The following SBNO1 variants were observed in gnomAD, a reference collection of about 807,000 sequenced individuals.
The protein encoded by SBNO1 is protein strawberry notch homolog 1.
SBNO1 carries 23 observed loss-of-function variants against 173.6 expected under a neutral mutation model. That is an observed-to-expected ratio of 0.13 (90% confidence interval 0.10 to 0.19). The LOEUF is 0.19. Ranked by LOEUF, SBNO1 falls within the 10% of genes least tolerant of loss-of-function variation. SBNO1 has a pLI of 1.00. For missense variants in SBNO1, 1,238 were observed against 1,671.2 expected (o/e 0.74, Z 4.52); for synonymous variants, 632 against 571.5 (o/e 1.11, Z -1.51).
intron 21 of SBNO1, among the ~76,000 whole-genome samples, chr12:123,315,903 A>G (rs976124662): frequency 2.6e-4 from 39 of 152,184 alleles, no homozygotes; most frequent in African/African-American, 9.2e-4. Flanking sequence ...GATTTTCCCA[A>G]AATTGTTTTT....
chr12:123,314,980 T>C lies in SBNO1; in HGVS notation c.3120+393A>G, dbSNP rs559899172. Among the ~76,000 whole-genome samples, 14 of 152,038 alleles carry C rather than the reference T, an allele frequency of 9.2e-5. No homozygotes were observed. The South Asian group carries it at 1.9e-3, about 20-fold the overall frequency. On this transcript the variant is annotated intron_variant, in intron 23 of 31. Transcript: ENST00000602398. ...CTGGTCTCGAACTCCTGACCTCAAG[T>C]GATCCACCTGCCTTGGCCTCCCAAA...
chr12:123,325,320 A>T (rs1870496510), intron 15 of SBNO1, among the ~76,000 whole-genome samples, 182 bp downstream of exon 15: 1 of 152,244 alleles, frequency 6.6e-6, no homozygotes, highest in Admixed American at 6.5e-5. Flanking sequence ...TAGGATTATG[A>T]GATTTCTGTT....
In SBNO1 at chr12:123,330,394, C is replaced by A. The variant is rs1220669393; in HGVS notation, c.1134+25G>T. The A allele has an allele frequency of 4.7e-6, 6 of 1,287,022 alleles. No individual in the cohort carries two copies. In the Admixed American group the frequency reaches 5.3e-5, roughly 11 times the overall value. 79.7% of individuals were successfully genotyped at this position (1,287,022 alleles called of 1,614,324 possible). On this transcript the variant is annotated intron_variant, in intron 9 of 31. Transcript: ENST00000602398. ...AGATGAGTCAATATTTATTGAATGA[C>A]CAACTGAATAAAAAGATTTCATACC...
intron 5 of SBNO1, among the ~76,000 whole-genome samples, chr12:123,340,024 A>T (rs1257997505): frequency 6.6e-6 from 1 of 152,146 alleles, no homozygotes; most frequent in Non-Finnish European, 1.5e-5. Flanking sequence ...CCACCAGGCC[A>T]CTAGAGTTCA....
Position 123,348,137 on chromosome 12 carries a change from G to A in SBNO1, c.133-4C>T. Reference sequence around the variant, plus strand: ...CTAATGCACTAAGTGGCACTGACTGGAGAGAAAACAACATCAGACAAAAAA... The same window carrying A: ...CTAATGCACTAAGTGGCACTGACTGAAGAGAAAACAACATCAGACAAAAAA... On this transcript the variant is annotated splice_polypyrimidine_tract_variant and splice_region_variant and intron_variant, in intron 2 of 31. Coordinates refer to ENST00000602398, the MANE Select transcript of SBNO1 (RefSeq NM_001167856.3). 2 of 1,545,092 alleles carry A rather than the reference G, an allele frequency of 1.3e-6. No individual in the cohort carries two copies. Among genetic ancestry groups the A allele is most frequent in the Non-Finnish European group, 1.8e-6 (2 of 1,130,540 alleles).
chr12:123,362,952 T>C (rs1397882525), intron 1 of SBNO1, among the ~76,000 whole-genome samples: 2 of 151,262 alleles, frequency 1.3e-5, no homozygotes, highest in African/African-American at 2.4e-5. Context: ...GCTGCTGTAG[T>C]GGTGCACATC....
chr12:123,311,633 G>A (rs1454176695), intron 24 of SBNO1, among the ~76,000 whole-genome samples: 1 of 151,520 alleles, frequency 6.6e-6, no homozygotes, highest in Non-Finnish European at 1.5e-5. Flanking sequence ...GAGATTACAG[G>A]TGTGAGCCAC....
chr12:123,333,006 C>T (rs544208437), intron 7 of SBNO1, among the ~76,000 whole-genome samples: 2 of 152,136 alleles, frequency 1.3e-5, no homozygotes, highest in East Asian at 3.9e-4. Context: ...TGCCTGTAGT[C>T]CCAGCTACTC....
At chr12:123,351,532 TA>T in intron 1 of SBNO1, among the ~76,000 whole-genome samples, 2 of 152,070 alleles carry the variant, frequency 1.3e-5, no homozygotes, top group Non-Finnish European at 2.9e-5. Flanking sequence ...GAGGATGGCT[TA>T]AGCCCAGGAG....
chr12:123,305,766 C>T (rs1437157055), intron 28 of SBNO1, among the ~76,000 whole-genome samples: 1 of 152,066 alleles, frequency 6.6e-6, no homozygotes, highest in Non-Finnish European at 1.5e-5. Flanking sequence ...AGCCACCACG[C>T]CTGGCCTATT....
At chr12:123,309,968 C>CT in intron 25 of SBNO1, 112 bp from the exon 26 acceptor site, 2 of 794,794 alleles carry the variant, frequency 2.5e-6, no homozygotes. Context: ...CTTCTTAACT[C>CT]TTACACTGTC....
intron 1 of SBNO1, among the ~76,000 whole-genome samples, chr12:123,362,601 C>A (rs1161313411): frequency 6.6e-6 from 1 of 150,936 alleles, no homozygotes; most frequent in African/African-American, 2.4e-5. Context: ...CCCCTTTCTG[C>A]CAACTACATA....
chr12:123,350,526 T>C (rs1040010230), intron 1 of SBNO1, 85 bp from the exon 2 acceptor site: 1 of 1,070,308 alleles, frequency 9.3e-7, no homozygotes, highest in Non-Finnish European at 1.4e-6. Flanking sequence ...AATCCAACAA[T>C]CTCTATTAGA....
In SBNO1 at chr12:123,309,760, G is replaced by A; in HGVS notation, c.3392C>T (p.Ala1131Val). Residue 1131 changes from alanine (A) to valine (V), a missense_variant, in exon 26 of 32, where the codon GCA becomes GTA. Transcript: ENST00000602398. Reference protein sequence around the residue: ...LFQYFADTLTAVVQNAKKNGR... With the variant: ...LFQYFADTLTVVVQNAKKNGR... ...ATTTTTTTTGGCATTTTGAACAACT[G>A]CAGTAAGTGTGTCCGCAAAATACTG... The A allele has an allele frequency of 6.2e-7, 1 of 1,612,810 alleles. No individual in the cohort carries two copies. Among genetic ancestry groups the A allele is most frequent in the Non-Finnish European group, 8.5e-7 (1 of 1,179,638 alleles).
rs528018102 is a variant in SBNO1 at position 123,296,055 on chromosome 12, A to C, written c.4040-5T>G. 2.5e-6 allele frequency: 4 copies of C among 1,594,796 alleles called. No individual in the cohort carries two copies. In the South Asian group the frequency reaches 3.3e-5, roughly 13 times the overall value. ...AATTTGCCGGAATGATCAAACCTGT[A>C]ATTAGTAACAAGAATTTATCAAGTT... On this transcript the variant is annotated splice_polypyrimidine_tract_variant and splice_region_variant and intron_variant, in intron 31 of 31. Coordinates refer to ENST00000602398, the MANE Select transcript of SBNO1 (RefSeq NM_001167856.3).
At chr12:123,347,032 G>A (rs11057286) in intron 3 of SBNO1, among the ~76,000 whole-genome samples, 9,086 of 147,084 alleles carry the variant, frequency 0.062, 314 homozygotes, top group South Asian at 0.11. Context: ...GAGCCGAGAT[G>A]GTGCCACTGC....
intron 5 of SBNO1, among the ~76,000 whole-genome samples, chr12:123,338,449 G>A (rs570603193): frequency 5.1e-4 from 77 of 152,282 alleles, no homozygotes; most frequent in Middle Eastern, 3.4e-3. Flanking sequence ...TTGGGAGGCC[G>A]AGGCGGGTGA....
chr12:123,290,067 C>T lies in SBNO1; in HGVS notation c.*5841G>A, dbSNP rs900724549. 6.6e-6 allele frequency: 1 copy of T among 152,266 alleles called. No individual in the cohort carries two copies. The allele number at this position is 152,266 out of a possible 1,614,324, so 9.4% of individuals were successfully genotyped here. On this transcript the variant is annotated 3_prime_UTR_variant, in exon 32 of 32. Coordinates refer to ENST00000602398, the MANE Select transcript of SBNO1 (RefSeq NM_001167856.3). ...AAAAAGAACCCGCCTTTTTGGGCTTCTTCTTTTCCTTGCTTAGCCCTGCAC... is the reference window on the plus strand; with the variant it reads ...AAAAAGAACCCGCCTTTTTGGGCTTTTTCTTTTCCTTGCTTAGCCCTGCAC...
chr12:123,362,925 TA>T (rs560090421), intron 1 of SBNO1, among the ~76,000 whole-genome samples: 11,138 of 143,846 alleles, frequency 0.077, 1,108 homozygotes, highest in African/African-American at 0.24. Context: ...ACAAAAAAAT[TA>T]AAAAAAAAAA....
Sources: gnomAD v4.1 joint callset for allele counts (sites outside exome capture counted in the v4.1 genomes callset) on GRCh38, gnomAD v4.1.1 for gene constraint, MANE v1.5 for transcripts, NCBI Gene and HGNC (gene_info 2026-07-23, HGNC 2026-07-21) for gene names.